CUX1: variants seen among roughly 807,000 people sequenced by gnomAD.
CUX1 encodes the protein cut like homeobox 1, also known as protein CASP.
A neutral mutation model predicts 158.8 loss-of-function variants in CUX1; 31 were observed. The ratio of observed to expected loss-of-function variants is 0.20; its 90% CI spans 0.15 to 0.26. The LOEUF is 0.26. Ranked by LOEUF, CUX1 falls within the 10% of genes least tolerant of loss-of-function variation. The pLI, the probability that CUX1 is intolerant of heterozygous loss-of-function variation, is 1.00. For missense variants in CUX1, 1,589 were observed against 2,014.6 expected, an observed-to-expected ratio of 0.79 and a Z score of 4.04; for synonymous variants, 879 against 862.1, an observed-to-expected ratio of 1.02 and a Z score of -0.34.
chr7:102,005,854 T>A (rs930696792), intron 2 of CUX1, among the ~76,000 whole-genome samples: 3 of 152,084 alleles, frequency 2.0e-5, no homozygotes, highest in Non-Finnish European at 2.9e-5. Context: ...GCCCTTTCGA[T>A]GAAGTAAGAG....
At chr7:101,872,375 C>T (rs1052673191) in intron 1 of CUX1, among the ~76,000 whole-genome samples, 22 of 151,984 alleles carry the variant, frequency 1.4e-4, no homozygotes, top group Non-Finnish European at 1.9e-4. Context: ...CTCAAATGAT[C>T]CACCCACCTT....
At chr7:102,275,593 T>C (rs1439495416) in intron 17 of CUX1, among the ~76,000 whole-genome samples, 2 of 152,030 alleles carry the variant, frequency 1.3e-5, no homozygotes, top group African/African-American at 2.4e-5. Flanking sequence ...GAAGGGAGCA[T>C]AGATCATTCC....
chr7:102,020,342 C>G (rs907863726), intron 2 of CUX1, among the ~76,000 whole-genome samples: 1 of 152,124 alleles, frequency 6.6e-6, no homozygotes, highest in Non-Finnish European at 1.5e-5. Flanking sequence ...GTTTCAGTAT[C>G]CTGGAACAAA....
intron 3 of CUX1, among the ~76,000 whole-genome samples, chr7:102,032,471 G>T (rs1270429169): frequency 2.0e-5 from 3 of 151,632 alleles, no homozygotes; most frequent in Non-Finnish European, 4.4e-5. Flanking sequence ...TTCGAGACCA[G>T]CCTGGCCAAC....
intron 8 of CUX1, among the ~76,000 whole-genome samples, chr7:102,121,920 C>T (rs1379517133): frequency 7.9e-5 from 12 of 152,072 alleles, no homozygotes; most frequent in African/African-American, 2.9e-4. Context: ...TGAAGGCAGG[C>T]GTTCCTGGGG....
intron 10 of CUX1, among the ~76,000 whole-genome samples, chr7:102,175,706 A>C (rs1271238156): frequency 6.6e-6 from 1 of 151,354 alleles, no homozygotes; most frequent in Non-Finnish European, 1.5e-5. Flanking sequence ...GCTCAGCCCC[A>C]CGTGCCACTG....
intron 2 of CUX1, among the ~76,000 whole-genome samples, chr7:101,928,908 G>A (rs1028417753): frequency 1.7e-4 from 25 of 151,400 alleles, no homozygotes; most frequent in South Asian, 1.0e-3. Context: ...CTGACCTCGT[G>A]ATCCACCCGC....
Position 102,253,227 on chromosome 7 carries a change from A to G in CUX1, c.*4185A>G. On this transcript the variant is annotated 3_prime_UTR_variant, in exon 24 of 24. Coordinates refer to ENST00000292535, the MANE Select transcript of CUX1 (RefSeq NM_181552.4). ...CCAGAGTGCAGCAGAGCTCTGGGTT[A>G]AATATTCCTTTCTGGCCACCGCCCA... is the stretch of plus-strand genomic sequence containing the variant. 1 of 985,504 alleles carries G rather than the reference A, an allele frequency of 1.0e-6. No homozygotes were observed. Among genetic ancestry groups the G allele is most frequent in the Non-Finnish European group, 1.2e-6 (1 of 829,968 alleles). 61.0% of individuals were successfully genotyped at this position (985,504 alleles called of 1,614,324 possible).
chr7:102,234,345 C>G, intron 22 of CUX1, 105 bp downstream of exon 22: 1 of 1,122,718 alleles, frequency 8.9e-7, no homozygotes, highest in Non-Finnish European at 1.2e-6. Context: ...GACCCATGAC[C>G]AAGGGACCAG....
At chr7:102,033,020 G>C (rs1018454816) in intron 3 of CUX1, among the ~76,000 whole-genome samples, 3 of 152,238 alleles carry the variant, frequency 2.0e-5, no homozygotes, top group Non-Finnish European at 2.9e-5. Flanking sequence ...TTGAGGGGAT[G>C]AGGGGCTGGC....
At chr7:102,003,146 G>A (rs1016787219) in intron 2 of CUX1, among the ~76,000 whole-genome samples, 6 of 151,958 alleles carry the variant, frequency 3.9e-5, no homozygotes, top group Non-Finnish European at 7.4e-5. Context: ...TGATCTGCCC[G>A]CCTCGGCCTC....
chr7:101,949,467 G>C (rs1808785364), intron 2 of CUX1, among the ~76,000 whole-genome samples: 1 of 150,664 alleles, frequency 6.6e-6, no homozygotes, highest in Non-Finnish European at 1.5e-5. Context: ...ATCTCTGATT[G>C]GATTTCACTG....
chr7:101,867,830 T>TC (rs1257243852), intron 1 of CUX1, among the ~76,000 whole-genome samples: 1 of 152,062 alleles, frequency 6.6e-6, no homozygotes, highest in African/African-American at 2.4e-5. Flanking sequence ...TTTTTTTTTT[T>TC]CTGAGACAGG....
intron 20 of CUX1, among the ~76,000 whole-genome samples, chr7:102,206,717 T>G (rs1554521404): frequency 6.6e-6 from 1 of 152,130 alleles, no homozygotes; most frequent in African/African-American, 2.4e-5. Context: ...GCCAACGTGG[T>G]GAAACCCCGT....
At position 102,256,839 on chromosome 7, in the gene CUX1, G is replaced by A. The variant is rs536870075; in HGVS notation, c.*7797G>A. The A allele has an allele frequency of 1.6e-5, 16 of 985,318 alleles. No individual in the cohort carries two copies. Among genetic ancestry groups the A allele is most frequent in the African/African-American group, 3.5e-5 (2 of 57,232 alleles). The allele number at this position is 985,318 out of a possible 1,614,324, so 61.0% of individuals were successfully genotyped here. A position where few individuals can be genotyped will look rare whatever the true frequency, so the allele number is the denominator to read the frequency against. ...GAGAGAGTGATTTCTTGCAAGGCCC[G>A]CATGGGTTGATACGTTTTGGTTGGT... On this transcript the variant is annotated 3_prime_UTR_variant, in exon 24 of 24. Coordinates refer to ENST00000292535, the MANE Select transcript of CUX1 (RefSeq NM_181552.4).
At chr7:101,840,025 G>A (rs944416822) in intron 1 of CUX1, among the ~76,000 whole-genome samples, 1 of 152,214 alleles carries the variant, frequency 6.6e-6, no homozygotes, top group African/African-American at 2.4e-5. Context: ...GCCTCTCAAA[G>A]TGCTGGGATT....
chr7:101,977,401 ATTC>A (rs1812850895), intron 2 of CUX1, among the ~76,000 whole-genome samples: 1 of 152,112 alleles, frequency 6.6e-6, no homozygotes, highest in Non-Finnish European at 1.5e-5. Context: ...AGCTGAAGCT[ATTC>A]TTTGAAGAAA....
At chr7:101,998,343 G>C (rs1482738265) in intron 2 of CUX1, among the ~76,000 whole-genome samples, 1 of 152,252 alleles carries the variant, frequency 6.6e-6, no homozygotes, top group Admixed American at 6.5e-5. Flanking sequence ...CTGTGTCTGA[G>C]CTGTAGGTGC....
intron 20 of CUX1, among the ~76,000 whole-genome samples, chr7:102,224,469 A>G (rs1389721495): frequency 1.3e-5 from 2 of 152,138 alleles, no homozygotes; most frequent in Non-Finnish European, 2.9e-5. Context: ...CAGCCTCCCA[A>G]AGGTCTTCTG....
Sources: allele counts gnomAD v4.1 joint callset (sites outside exome capture counted in the v4.1 genomes callset), GRCh38; gene constraint gnomAD v4.1.1; transcripts MANE v1.5; gene names NCBI Gene and HGNC (gene_info 2026-07-23, HGNC 2026-07-21).